PCSK5: variants seen among roughly 807,000 people sequenced by gnomAD.
PCSK5 encodes proprotein convertase subtilisin/kexin type 5.
Under a neutral mutation model 233.2 loss-of-function variants are expected in PCSK5, and 129 were observed. That is an observed-to-expected ratio of 0.55 (90% CI 0.48 to 0.64). The LOEUF (loss-of-function observed/expected upper bound fraction) is 0.64. PCSK5 is among the 30% of genes least tolerant of loss of function. The probability of loss-of-function intolerance (pLI) is 0.00; values close to 1 mark genes in which losing one functional copy is unlikely to be tolerated. For synonymous variants in PCSK5, 825 were observed against 879.2 expected (o/e 0.94, Z 1.09); for missense variants, 2,076 against 2,430.1 (o/e 0.85, Z 3.06).
Position 76,351,524 on chromosome 9 carries a change from GAAAGA to G in PCSK5, c.5067+599_5067+603del, listed in dbSNP as rs1564196931. 5.8e-4 allele frequency among the ~76,000 whole-genome samples: 67 copies of G among 116,116 alleles called. 8 individuals are homozygous for G. Among genetic ancestry groups the G allele is most frequent in the African/African-American group, 2.3e-3 (62 of 27,208 alleles). The allele number at this position is 116,116 out of a possible 152,430, so 76.2% of individuals were successfully genotyped here. A position where few individuals can be genotyped will look rare whatever the true frequency, so the allele number is the denominator to read the frequency against. On this transcript the variant is annotated intron_variant, in intron 36 of 37. Transcript: ENST00000674117. ...AGAAAGAAAGAAAGAAAGAAAGAAA[GAAAGA>G]AAGGAAGGAAAGAAAGAGAAAGAAG...
At chr9:76,310,992 T>C (rs1019648171) in intron 30 of PCSK5, 141 bp downstream of exon 30, 2 of 587,446 alleles carry the variant, frequency 3.4e-6, no homozygotes, top group African/African-American at 3.8e-5. Flanking sequence ...CTGACATGGG[T>C]GTGCGCCACA....
rs1375411099 is a variant in PCSK5 at position 76,047,441 on chromosome 9, A to G, written c.632+20404A>G. 2.0e-5 allele frequency among the ~76,000 whole-genome samples: 3 copies of G among 152,174 alleles called. No homozygotes were observed. In the South Asian group the frequency reaches 6.2e-4, roughly 32 times the overall value. ...TATCATATTGTATTCATGGGAGACTATCACTTTGATAACTATTTTGGTGTA... is the reference window on the plus strand; with the variant it reads ...TATCATATTGTATTCATGGGAGACTGTCACTTTGATAACTATTTTGGTGTA... On this transcript the variant is annotated intron_variant, in intron 5 of 37. Coordinates refer to ENST00000674117, the MANE Select transcript of PCSK5 (RefSeq NM_001372043.1).
chr9:76,013,417 T>C (rs987002371), intron 3 of PCSK5, among the ~76,000 whole-genome samples: 1 of 152,210 alleles, frequency 6.6e-6, no homozygotes, highest in African/African-American at 2.4e-5. Context: ...AAATATCCCT[T>C]GAAAGCATCT....
intron 24 of PCSK5, among the ~76,000 whole-genome samples, chr9:76,289,510 C>T (rs903548): frequency 0.25 from 28,809 of 116,034 alleles, 3,317 homozygotes; most frequent in Middle Eastern, 0.36. Context: ...CACACACACA[C>T]GCAACATACA....
Position 76,189,680 on chromosome 9 carries a change from A to G in PCSK5, c.2560A>G (p.Thr854Ala), listed in dbSNP as rs1301987564. Residue 854 changes from threonine to alanine, a missense_variant, in exon 20 of 38, where the codon ACA (threonine) becomes GCA (alanine). By Grantham distance (58) the Thr-to-Ala change is moderately conservative. Transcript: ENST00000674117. ...TCNGPGFKNC[T>A]SCPSGYLLDL... ...CAATGGCCCAGGATTCAAGAACTGT[A>G]CAAGCTGCCCTAGTGGGTATCTCTT... The G allele has an allele frequency of 1.9e-6, 3 of 1,613,458 alleles. No individual in the cohort carries two copies. Among genetic ancestry groups the G allele is most frequent in the East Asian group, 2.2e-5 (1 of 44,844 alleles).
chr9:76,302,424 G>A (rs2842474), intron 28 of PCSK5, among the ~76,000 whole-genome samples: 71,298 of 151,974 alleles, frequency 0.47, 17,424 homozygotes, highest in East Asian at 0.87. Flanking sequence ...GAGAAGTTCC[G>A]CAGTGGAGAT....
At chr9:76,174,549 A>T (rs1197981130) in intron 13 of PCSK5, among the ~76,000 whole-genome samples, 2 of 151,906 alleles carry the variant, frequency 1.3e-5, no homozygotes, top group African/African-American at 4.8e-5. Flanking sequence ...TGACCTCGTG[A>T]TCCACCAGTC....
At position 76,016,668 on chromosome 9, in the gene PCSK5, G is replaced by C. The variant is rs965746792; in HGVS notation, c.412-7070G>C. Among the ~76,000 whole-genome samples, 3 of 152,212 alleles carry C rather than the reference G, an allele frequency of 2.0e-5. No individual in the cohort carries two copies. In the East Asian group the frequency reaches 5.8e-4, roughly 29 times the overall value. On this transcript the variant is annotated intron_variant, in intron 3 of 37. Transcript: ENST00000674117. ...TAAAGATTCCTTAAAGGTGACACAA[G>C]ATGTGTTTCTTGGTTTATTGGTTTT...
intron 2 of PCSK5, among the ~76,000 whole-genome samples, chr9:75,976,542 A>G (rs564201853): frequency 6.6e-4 from 100 of 152,188 alleles, no homozygotes; most frequent in African/African-American, 2.4e-3. Context: ...GACATCATCA[A>G]TGGAAAAATG....
intron 3 of PCSK5, among the ~76,000 whole-genome samples, chr9:76,018,211 A>AT (rs1828032989): frequency 1.3e-5 from 2 of 152,288 alleles, no homozygotes; most frequent in South Asian, 4.1e-4. Flanking sequence ...ATGAACATTG[A>AT]TTGTTACACA....
At chr9:76,173,495 C>CTTTTTTTTTTTTTTTTTTTTTTTTT (rs1587715951) in intron 13 of PCSK5, among the ~76,000 whole-genome samples, 11 of 34,580 alleles carry the variant, frequency 3.2e-4, no homozygotes, top group East Asian at 1.8e-3. Flanking sequence ...AGGCACGTTT[C>CTTTTTTTTTTTTTTTTTTTTTTTTT]CTTTTTTTTT....
At chr9:75,945,881 C>G (rs909727333) in intron 2 of PCSK5, among the ~76,000 whole-genome samples, 1 of 152,202 alleles carries the variant, frequency 6.6e-6, no homozygotes, top group African/African-American at 2.4e-5. Flanking sequence ...CCTCAATATC[C>G]TTGCTAAGGT....
At chr9:76,224,685 G>A (rs985492498) in intron 20 of PCSK5, among the ~76,000 whole-genome samples, 4 of 152,124 alleles carry the variant, frequency 2.6e-5, no homozygotes, top group Non-Finnish European at 4.4e-5. Context: ...TAATCTTTTG[G>A]GGTCATTATA....
intron 5 of PCSK5, among the ~76,000 whole-genome samples, chr9:76,067,343 C>A: frequency 6.6e-6 from 1 of 151,998 alleles, no homozygotes; most frequent in East Asian, 1.9e-4. Flanking sequence ...ATATTTTATT[C>A]AATAAGATAT....
chr9:76,328,170 A>G lies in PCSK5; in HGVS notation c.4501A>G (p.Lys1501Glu). 6.2e-7 allele frequency: 1 copy of G among 1,612,774 alleles called. No individual in the cohort carries two copies. Among genetic ancestry groups the G allele is most frequent in the Non-Finnish European group, 8.5e-7 (1 of 1,179,846 alleles). The part of the protein sequence containing the change: ...DAPGCKPCHV[K>E]CFHCMGPAED... ...TCCCGGGTGCAAGCCCTGCCATGTT[A>G]AGTGCTTCCACTGCATGGGGCCGGC... Residue 1501 changes from lysine to glutamate, a missense_variant, in exon 33 of 38, where the codon AAG becomes GAG. Coordinates refer to ENST00000674117, the MANE Select transcript of PCSK5 (RefSeq NM_001372043.1).
rs545678286 is a variant in PCSK5 at position 75,995,413 on chromosome 9, G to A, written c.411+9168G>A. The stretch of plus-strand genomic sequence containing the variant: ...TCAGTAAAACATTATTTGTGCTCAT[G>A]TTTATACTGTACTGTATTTCTAGTT... On this transcript the variant is annotated intron_variant, in intron 3 of 37. Transcript: ENST00000674117. Among the ~76,000 whole-genome samples, 4 of 152,260 alleles carry A rather than the reference G, an allele frequency of 2.6e-5. No individual in the cohort carries two copies. In the South Asian group the frequency reaches 8.3e-4, roughly 32 times the overall value.
chr9:76,160,388 T>A (rs147444642), intron 12 of PCSK5, among the ~76,000 whole-genome samples: 3,108 of 152,312 alleles, frequency 0.02, 143 homozygotes, highest in African/African-American at 0.069. Flanking sequence ...CTCGTTCTCA[T>A]GGTGGTTCTA....
intron 1 of PCSK5, among the ~76,000 whole-genome samples, chr9:75,915,253 A>ATATG (rs1822934939): frequency 6.6e-6 from 1 of 152,120 alleles, no homozygotes; most frequent in African/African-American, 2.4e-5. Context: ...TGACTGTATT[A>ATATG]TATGGTTTGT....
At chr9:76,314,975 T>G (rs1828981732) in intron 30 of PCSK5, among the ~76,000 whole-genome samples, 1 of 148,506 alleles carries the variant, frequency 6.7e-6, no homozygotes, top group Non-Finnish European at 1.5e-5. Context: ...TTTTTTTTTT[T>G]CTGAGATGGA....
Sources: allele counts gnomAD v4.1 joint callset (sites outside exome capture counted in the v4.1 genomes callset), GRCh38; gene constraint gnomAD v4.1.1; transcripts MANE v1.5; gene names NCBI Gene and HGNC (gene_info 2026-07-23, HGNC 2026-07-21).